GPHN: variants seen among roughly 807,000 people sequenced by gnomAD.
GPHN encodes the protein gephyrin.
GPHN carries 17 observed loss-of-function variants against 95.5 expected under a neutral mutation model. The observed-to-expected ratio is 0.18, with a 90% CI of 0.12 to 0.27. The LOEUF (loss-of-function observed/expected upper bound fraction) is 0.27. Ranked by LOEUF, GPHN falls within the 10% of genes least tolerant of loss-of-function variation. The probability of loss-of-function intolerance (pLI) is 1.00; values close to 1 mark genes in which losing one functional copy is unlikely to be tolerated. For missense variants in GPHN, 660 were observed against 978.1 expected (o/e 0.67, Z 4.34); for synonymous variants, 320 against 322.5 (o/e 0.99, Z 0.08).
chr14:67,243,336 C>T, the GPHN span, among the ~76,000 whole-genome samples: 2 of 151,628 alleles, frequency 1.3e-5, no homozygotes, highest in African/African-American at 4.8e-5. Context: ...TACAGGTGCT[C>T]GCCACCACAC....
rs2072753879 is a variant in GPHN, at chr14:67,008,425, C to T, written c.964-15208C>T. 4.0e-5 allele frequency among the ~76,000 whole-genome samples: 6 copies of T among 149,554 alleles called. No individual in the cohort carries two copies. In the South Asian group the frequency reaches 1.3e-3, roughly 32 times the overall value. On this transcript the variant is annotated intron_variant, in intron 9 of 22. Coordinates refer to ENST00000478722, the MANE Select transcript of GPHN (RefSeq NM_020806.5). ...GAGCCGAGATCGCTCCACTGCACTC[C>T]AGCAGGTGACAGAGTGAGACACCGT... is the stretch of plus-strand genomic sequence containing the variant.
At chr14:66,736,507 T>C (rs2072292859) in intron 2 of GPHN, among the ~76,000 whole-genome samples, 1 of 151,712 alleles carries the variant, frequency 6.6e-6, no homozygotes, top group Non-Finnish European at 1.5e-5. Context: ...CAAGTGATTC[T>C]CCTGCCTCAG....
the GPHN span, among the ~76,000 whole-genome samples, chr14:67,474,122 C>CAT: frequency 6.6e-6 from 1 of 152,106 alleles, no homozygotes; most frequent in Non-Finnish European, 1.5e-5. Flanking sequence ...CGTGGTGGCC[C>CAT]GCTCCTGTAA....
At chr14:66,689,765 A>G (rs188392445) in intron 2 of GPHN, among the ~76,000 whole-genome samples, 38 of 152,104 alleles carry the variant, frequency 2.5e-4, no homozygotes, top group African/African-American at 7.0e-4. Context: ...CAGTTGTGGT[A>G]GGTTGTTTGT....
chr14:66,536,804 G>A (rs1208147911), intron 1 of GPHN, among the ~76,000 whole-genome samples: 2 of 152,154 alleles, frequency 1.3e-5, no homozygotes, highest in South Asian at 2.1e-4. Context: ...ATCTTCAAAT[G>A]ACTGATTTCT....
chr14:66,919,206 G>T (rs2153559655), intron 6 of GPHN, among the ~76,000 whole-genome samples: 1 of 152,188 alleles, frequency 6.6e-6, no homozygotes, highest in Non-Finnish European at 1.5e-5. Context: ...AAATAATCTG[G>T]TTCTCACCTC....
intron 2 of GPHN, among the ~76,000 whole-genome samples, chr14:66,686,287 G>A (rs1366888839): frequency 6.6e-6 from 1 of 152,164 alleles, no homozygotes; most frequent in African/African-American, 2.4e-5. Flanking sequence ...TGTGAAGAAA[G>A]TCATGGTAGC....
chr14:66,942,029 G>C (rs529916766), intron 8 of GPHN, among the ~76,000 whole-genome samples: 2 of 152,202 alleles, frequency 1.3e-5, no homozygotes, highest in South Asian at 4.2e-4. Flanking sequence ...TGTTTGTTTT[G>C]AGACAGAGTT....
At chr14:66,844,607 A>T (rs766900940) in intron 4 of GPHN, among the ~76,000 whole-genome samples, 1 of 152,164 alleles carries the variant, frequency 6.6e-6, no homozygotes, top group African/African-American at 2.4e-5. Context: ...AGGGATACGG[A>T]AAAAGTATGG....
At chr14:67,118,766 C>T (rs2078844846) in intron 16 of GPHN, among the ~76,000 whole-genome samples, 3 of 151,794 alleles carry the variant, frequency 2.0e-5, no homozygotes, top group African/African-American at 7.3e-5. Context: ...CCAGGGGTCG[C>T]GGGGGGAGTT....
the GPHN span, among the ~76,000 whole-genome samples, chr14:67,565,699 G>A: frequency 2.0e-5 from 3 of 152,204 alleles, no homozygotes; most frequent in Non-Finnish European, 4.4e-5. Context: ...ACAGCTAAGC[G>A]TTGGCTCCTG....
chr14:67,471,417 C>T, the GPHN span: 1 of 152,186 alleles, frequency 6.6e-6, no homozygotes, highest in East Asian at 1.9e-4. Flanking sequence ...GGAGAGAGAA[C>T]CAAGGAAACA....
intron 17 of GPHN, among the ~76,000 whole-genome samples, chr14:67,142,001 AAAG>A (rs1247262741): frequency 6.6e-6 from 1 of 152,198 alleles, no homozygotes; most frequent in Non-Finnish European, 1.5e-5. Context: ...TAGTGCAAGC[AAAG>A]AAGACATTTA....
chr14:67,164,160 C>T (rs528535546), intron 19 of GPHN, among the ~76,000 whole-genome samples: 54 of 146,398 alleles, frequency 3.7e-4, no homozygotes, highest in South Asian at 1.8e-3. Context: ...CCCAGCTACT[C>T]GGGAGGCTGA....
At chr14:66,916,129 T>G in intron 6 of GPHN, 60 bp downstream of exon 6, 1 of 1,144,854 alleles carries the variant, frequency 8.7e-7, no homozygotes, top group Non-Finnish European at 1.3e-6. Flanking sequence ...CCGTGAAAGT[T>G]AGCCAGCCAA....
Position 66,730,224 on chromosome 14 carries a change from G to A in GPHN, c.144-46240G>A, listed in dbSNP as rs142646172. Among the ~76,000 whole-genome samples, 519 of 152,226 alleles carry A rather than the reference G, an allele frequency of 3.4e-3. 1 individual carries two copies. Among genetic ancestry groups the A allele is most frequent in the African/African-American group, 0.012 (487 of 41,534 alleles). On this transcript the variant is annotated intron_variant, in intron 2 of 22. Transcript: ENST00000478722. The stretch of plus-strand genomic sequence containing the variant: ...AGGGTTGTGCTTAAACGTGGTTTCC[G>A]TGGACTCAGTGTCCTTAGAGTCTGC...
At chr14:66,542,334 T>C (rs2059382082) in intron 1 of GPHN, among the ~76,000 whole-genome samples, 1 of 152,210 alleles carries the variant, frequency 6.6e-6, no homozygotes, top group Admixed American at 6.5e-5. Context: ...ACTTATTTAA[T>C]GTTTTCTCTC....
At chr14:67,426,666 C>G in the GPHN span, among the ~76,000 whole-genome samples, 1 of 152,178 alleles carries the variant, frequency 6.6e-6, no homozygotes, top group African/African-American at 2.4e-5. Context: ...ACCTCCGCCT[C>G]CTGGATTCAA....
the GPHN span, among the ~76,000 whole-genome samples, chr14:67,694,487 C>CAT: frequency 1.4e-5 from 2 of 146,050 alleles, no homozygotes; most frequent in Admixed American, 1.4e-4. Flanking sequence ...TACACACACA[C>CAT]ACATATATAT....
Sources: gnomAD v4.1 joint callset for allele counts (sites outside exome capture counted in the v4.1 genomes callset) on GRCh38, gnomAD v4.1.1 for gene constraint, MANE v1.5 for transcripts, NCBI Gene and HGNC (gene_info 2026-07-23, HGNC 2026-07-21) for gene names.